Variants in PIK3C2G observed in about 807,000 individuals in gnomAD.
The protein encoded by PIK3C2G is phosphatidylinositol 3-kinase C2 domain-containing subunit gamma.
PIK3C2G carries 168 observed loss-of-function variants against 181.1 expected under a neutral mutation model. The ratio of observed to expected loss-of-function variants is 0.93; its 90% CI spans 0.82 to 1.05. The LOEUF is 1.05. Among genes scored for constraint, PIK3C2G ranks in the 50% least tolerant of loss-of-function variants. PIK3C2G has a pLI of 0.00. For missense variants in PIK3C2G, 1,869 were observed against 1,732.8 expected (o/e 1.08, Z -1.40); for synonymous variants, 573 against 592.2 (o/e 0.97, Z 0.47).
At chr12:18,306,825 C>T (rs2137345331) in intron 5 of PIK3C2G, among the ~76,000 whole-genome samples, 1 of 152,010 alleles carries the variant, frequency 6.6e-6, no homozygotes, top group African/African-American at 2.4e-5. Flanking sequence ...AAGCTGTCAG[C>T]AATCCTGGTT....
At chr12:18,699,924 G>A in the PIK3C2G span, 1 of 1,611,402 alleles carries the variant, frequency 6.2e-7, no homozygotes, top group Non-Finnish European at 8.5e-7. Context: ...GATCAGATAA[G>A]GCCAGAGCAA....
intron 16 of PIK3C2G, among the ~76,000 whole-genome samples, chr12:18,418,869 A>G (rs1945321077): frequency 6.6e-6 from 1 of 152,194 alleles, no homozygotes; most frequent in African/African-American, 2.4e-5. Context: ...TTGCTGGAAC[A>G]GCTTCACAGG....
intron 29 of PIK3C2G, among the ~76,000 whole-genome samples, chr12:18,592,199 T>C (rs1947118159): frequency 6.6e-6 from 1 of 151,814 alleles, no homozygotes; most frequent in African/African-American, 2.4e-5. Context: ...TCATTATAGA[T>C]GTCACCAAAG....
intron 18 of PIK3C2G, among the ~76,000 whole-genome samples, chr12:18,447,765 T>C (rs1053862020): frequency 1.3e-5 from 2 of 152,124 alleles, no homozygotes; most frequent in Non-Finnish European, 2.9e-5. Context: ...TTTCAAATAA[T>C]GAATTTAAAA....
At chr12:18,556,764 C>T (rs1361724708) in intron 26 of PIK3C2G, among the ~76,000 whole-genome samples, 1 of 152,010 alleles carries the variant, frequency 6.6e-6, no homozygotes, top group East Asian at 1.9e-4. Context: ...GCACTGTGCA[C>T]CTGTAAATTC....
intron 32 of PIK3C2G, 45 bp from the exon 33 acceptor site, chr12:18,647,831 T>G: frequency 8.1e-7 from 1 of 1,227,940 alleles, no homozygotes; most frequent in African/African-American, 1.5e-5. Flanking sequence ...AGAGATGTAT[T>G]TAAGCATTTC....
the PIK3C2G span, among the ~76,000 whole-genome samples, chr12:18,714,351 G>A: frequency 6.6e-6 from 1 of 152,160 alleles, no homozygotes; most frequent in African/African-American, 2.4e-5. Context: ...GGTTAGTGCT[G>A]TTTCTACAAC....
the PIK3C2G span, among the ~76,000 whole-genome samples, chr12:18,654,688 T>C: frequency 1.3e-5 from 2 of 152,192 alleles, no homozygotes; most frequent in Non-Finnish European, 2.9e-5. Context: ...ATGATTCCAG[T>C]TGAGTACTTG....
intron 14 of PIK3C2G, 92 bp downstream of exon 14, chr12:18,381,972 T>C (rs1445258006): frequency 1.2e-6 from 1 of 810,986 alleles, no homozygotes; most frequent in East Asian, 2.5e-5. Context: ...TCTTCCAGGA[T>C]CACACATTTT....
intron 12 of PIK3C2G, among the ~76,000 whole-genome samples, chr12:18,363,659 C>T (rs1330802613): frequency 2.0e-5 from 3 of 152,096 alleles, no homozygotes; most frequent in African/African-American, 7.2e-5. Flanking sequence ...AGCCTACTTC[C>T]CCTCAGCTCT....
intron 5 of PIK3C2G, among the ~76,000 whole-genome samples, chr12:18,303,252 CTTCT>C (rs774326377): frequency 4.2e-5 from 6 of 143,650 alleles, no homozygotes; most frequent in Non-Finnish European, 7.6e-5. Flanking sequence ...TCCTTCCTTC[CTTCT>C]TCCTTCCTTC....
At chr12:18,276,569 T>G (rs567728743) in intron 1 of PIK3C2G, among the ~76,000 whole-genome samples, 152 of 152,294 alleles carry the variant, frequency 1.0e-3, no homozygotes, top group Middle Eastern at 6.8e-3. Flanking sequence ...TTTTGCTTTT[T>G]CCAAGGCAAA....
intron 1 of PIK3C2G, among the ~76,000 whole-genome samples, chr12:18,250,122 T>C (rs1948081334): frequency 6.6e-6 from 1 of 152,080 alleles, no homozygotes; most frequent in South Asian, 2.1e-4. Flanking sequence ...TTCACTAGTT[T>C]AGAAAATATC....
intron 30 of PIK3C2G, among the ~76,000 whole-genome samples, chr12:18,594,974 T>C (rs1451569888): frequency 6.6e-6 from 1 of 152,090 alleles, no homozygotes; most frequent in Non-Finnish European, 1.5e-5. Flanking sequence ...AAAACTAAAA[T>C]GGTTGAGAAC....
At chr12:18,264,808 G>T (rs530029994) in intron 1 of PIK3C2G, among the ~76,000 whole-genome samples, 10 of 152,102 alleles carry the variant, frequency 6.6e-5, no homozygotes, top group Non-Finnish European at 1.0e-4. Context: ...CTCTCTGGGC[G>T]TGGGGAGAAA....
At chr12:18,578,835 T>C (rs1946353538) in intron 29 of PIK3C2G, among the ~76,000 whole-genome samples, 1 of 152,106 alleles carries the variant, frequency 6.6e-6, no homozygotes, top group Non-Finnish European at 1.5e-5. Flanking sequence ...TTTTCTCTTG[T>C]TAATAAAACA....
At chr12:18,724,829 T>G in the PIK3C2G span, among the ~76,000 whole-genome samples, 3 of 152,142 alleles carry the variant, frequency 2.0e-5, no homozygotes, top group Admixed American at 2.0e-4. Flanking sequence ...CCCTGAAAAT[T>G]TTGGTTATAG....
At chr12:18,550,492 G>A (rs16914278) in intron 26 of PIK3C2G, among the ~76,000 whole-genome samples, 24,383 of 150,134 alleles carry the variant, frequency 0.16, 2,160 homozygotes, top group South Asian at 0.23. Context: ...AACTTAGGGA[G>A]ACTAAATGCA....
At chr12:18,288,462 TAC>T (rs1399489302) in intron 3 of PIK3C2G, among the ~76,000 whole-genome samples, 4 of 152,160 alleles carry the variant, frequency 2.6e-5, no homozygotes, top group African/African-American at 9.6e-5. Context: ...TTGAAAGGCT[TAC>T]ACACAAAGAT....
Sources: gnomAD v4.1 joint callset for allele counts (sites outside exome capture counted in the v4.1 genomes callset) on GRCh38, gnomAD v4.1.1 for gene constraint, MANE v1.5 for transcripts, NCBI Gene and HGNC (gene_info 2026-07-23, HGNC 2026-07-21) for gene names.